Variants in DDX60L observed in about 807,000 individuals in gnomAD.
The protein encoded by DDX60L is DExD/H-box 60 like.
Under a neutral mutation model 211.6 loss-of-function variants are expected in DDX60L, and 191 were observed. The ratio of observed to expected loss-of-function variants is 0.90; its 90% CI spans 0.80 to 1.02. The LOEUF is 1.02. Among genes scored for constraint, DDX60L ranks in the 50% least tolerant of loss-of-function variants. The pLI, the probability that DDX60L is intolerant of heterozygous loss-of-function variation, is 0.00. For synonymous variants in DDX60L, 706 were observed against 694.1 expected, an observed-to-expected ratio of 1.02 and a Z score of -0.27; for missense variants, 2,007 against 1,984.1, an observed-to-expected ratio of 1.01 and a Z score of -0.22.
At chr4:168,406,929 A>G (rs1747844960) in intron 22 of DDX60L, among the ~76,000 whole-genome samples, 1 of 152,176 alleles carries the variant, frequency 6.6e-6, no homozygotes, top group Non-Finnish European at 1.5e-5. Flanking sequence ...AAAATCCACT[A>G]ATAAGTTTCA....
chr4:168,411,210 C>T (rs533575510), intron 22 of DDX60L, among the ~76,000 whole-genome samples: 17 of 152,244 alleles, frequency 1.1e-4, no homozygotes, highest in Admixed American at 3.3e-4. Context: ...TACAGGAACT[C>T]CAAATTGAAC....
intron 9 of DDX60L, among the ~76,000 whole-genome samples, chr4:168,443,453 G>T (rs369911787): frequency 1.3e-5 from 2 of 151,866 alleles, no homozygotes; most frequent in Admixed American, 1.3e-4. Flanking sequence ...AAAACACTCT[G>T]CAGGATATTA....
intron 7 of DDX60L, among the ~76,000 whole-genome samples, chr4:168,454,532 C>G (rs1017207814): frequency 2.0e-5 from 3 of 152,062 alleles, no homozygotes; most frequent in African/African-American, 7.2e-5. Flanking sequence ...CTATTATTAG[C>G]TAGTCTTCAT....
intron 8 of DDX60L, among the ~76,000 whole-genome samples, chr4:168,449,860 C>G (rs1256913777): frequency 1.3e-5 from 2 of 150,046 alleles, no homozygotes; most frequent in Non-Finnish European, 3.0e-5. Context: ...TTGAAACCAC[C>G]ATTGCAAAAT....
intron 22 of DDX60L, among the ~76,000 whole-genome samples, chr4:168,412,829 G>C (rs1434319121): frequency 6.6e-6 from 1 of 152,176 alleles, no homozygotes; most frequent in Admixed American, 6.5e-5. Context: ...TCAACACAGA[G>C]AAAAAGATTC....
chr4:168,460,959 G>C (rs1458651963), intron 5 of DDX60L, among the ~76,000 whole-genome samples: 2 of 152,216 alleles, frequency 1.3e-5, no homozygotes, highest in Non-Finnish European at 2.9e-5. Context: ...AGATGGAACA[G>C]ATGCACAGGG....
intron 6 of DDX60L, among the ~76,000 whole-genome samples, chr4:168,456,877 C>T (rs968719578): frequency 1.1e-4 from 17 of 151,888 alleles, no homozygotes; most frequent in African/African-American, 4.1e-4. Context: ...TTCTTAATGA[C>T]AAGAAAATAT....
intron 29 of DDX60L, among the ~76,000 whole-genome samples, chr4:168,391,010 AG>A (rs1440954819): frequency 1.3e-5 from 2 of 152,274 alleles, no homozygotes; most frequent in East Asian, 3.9e-4. Flanking sequence ...ATGGTATTAA[AG>A]GCTTGGAATT....
intron 10 of DDX60L, among the ~76,000 whole-genome samples, chr4:168,436,483 A>G (rs1457427809): frequency 6.6e-6 from 1 of 152,206 alleles, no homozygotes; most frequent in East Asian, 1.9e-4. Flanking sequence ...ATTCTCCATC[A>G]TCCTGAAGCA....
intron 22 of DDX60L, among the ~76,000 whole-genome samples, chr4:168,410,292 C>T (rs550646449): frequency 6.6e-6 from 1 of 152,190 alleles, no homozygotes; most frequent in Non-Finnish European, 1.5e-5. Flanking sequence ...CTCACATTAG[C>T]AAAGACATGG....
chr4:168,446,550 C>T (rs549214188), intron 9 of DDX60L, among the ~76,000 whole-genome samples: 141 of 152,212 alleles, frequency 9.3e-4, no homozygotes, highest in African/African-American at 3.3e-3. Context: ...CATACGGAAC[C>T]GAAAAAGAGA....
chr4:168,384,423 G>A (rs1743495665), intron 30 of DDX60L, among the ~76,000 whole-genome samples, 189 bp downstream of exon 30: 1 of 152,148 alleles, frequency 6.6e-6, no homozygotes, highest in Non-Finnish European at 1.5e-5. Context: ...GGTGATTAAG[G>A]CTGCAGTAAA....
Position 168,421,549 on chromosome 4 carries a change from T to G in DDX60L, c.2394+211A>C, listed in dbSNP as rs149459680. 8.3e-3 allele frequency among the ~76,000 whole-genome samples: 1,268 copies of G among 152,004 alleles called. 20 individuals carry two copies. The highest frequency in any genetic ancestry group is 0.029 in the African/African-American group (1,196 of 41,490). ...ACGTGCCTATAATCCCAGCTACTCA[T>G]GAGGCTGAGGCGGGAGAATCACTTG... On this transcript the variant is annotated intron_variant, in intron 17 of 37. Coordinates refer to ENST00000682922, the MANE Select transcript of DDX60L (RefSeq NM_001012967.3).
chr4:168,389,733 A>G (rs1744469559), intron 29 of DDX60L, among the ~76,000 whole-genome samples: 1 of 152,242 alleles, frequency 6.6e-6, no homozygotes, highest in Admixed American at 6.5e-5. Flanking sequence ...AGTATAAAAC[A>G]TAGTAAATGC....
intron 5 of DDX60L, among the ~76,000 whole-genome samples, chr4:168,461,414 T>C (rs1757303072): frequency 6.6e-6 from 1 of 152,196 alleles, no homozygotes; most frequent in Non-Finnish European, 1.5e-5. Flanking sequence ...AATATTCTTT[T>C]ACAGATGAGG....
rs1553997857 is a variant in DDX60L at position 168,396,133 on chromosome 4, T to TTA, written c.3492-10_3492-9insTA. 4 of 1,176,580 alleles carry TTA rather than the reference T, an allele frequency of 3.4e-6. No individual in the cohort carries two copies. The highest frequency in any genetic ancestry group is 3.2e-5 in the Admixed American group (1 of 31,654). The allele number at this position is 1,176,580 out of a possible 1,614,324, so 72.9% of individuals were successfully genotyped here. ...TTGGGTTTTTTTTAGTGCTACTATT[T>TTA]AAAAAAAAAAAAAAACTTTTAAGTA... On this transcript the variant is annotated splice_polypyrimidine_tract_variant and intron_variant, in intron 26 of 37. Transcript: ENST00000682922.
chr4:168,361,264 G>T, intron 36 of DDX60L, 53 bp from the exon 37 acceptor site: 7 of 1,252,110 alleles, frequency 5.6e-6, no homozygotes, highest in Non-Finnish European at 8.0e-6. Flanking sequence ...AAACATAAAA[G>T]AATTAACTCA....
Position 168,446,682 on chromosome 4 carries a change from G to T in DDX60L, c.1138+1956C>A, listed in dbSNP as rs1235083067. Reference sequence around the variant, plus strand: ...AGCATGGTACTGGTACCAAAACAGAGATATAGATCAATGGAACAGAACAGA... The same window carrying T: ...AGCATGGTACTGGTACCAAAACAGATATATAGATCAATGGAACAGAACAGA... On this transcript the variant is annotated intron_variant, in intron 9 of 37. Transcript: ENST00000682922. Among the ~76,000 whole-genome samples the T allele has an allele frequency of 1.1e-4, 17 of 150,234 alleles. No homozygotes were observed. The East Asian group carries it at 3.1e-3, about 28-fold the overall frequency.
intron 34 of DDX60L, 90 bp from the exon 35 acceptor site, chr4:168,373,898 G>C: frequency 7.6e-7 from 1 of 1,310,506 alleles, no homozygotes; most frequent in East Asian, 2.3e-5. Context: ...GCCACAGTAG[G>C]TGACATTCAT....
Sources: allele counts gnomAD v4.1 joint callset (sites outside exome capture counted in the v4.1 genomes callset), GRCh38; gene constraint gnomAD v4.1.1; transcripts MANE v1.5; gene names NCBI Gene and HGNC (gene_info 2026-07-23, HGNC 2026-07-21).